The following TET1 variants were observed in gnomAD, a reference collection of about 807,000 sequenced individuals.
TET1 encodes the protein tet methylcytosine dioxygenase 1, also known as methylcytosine dioxygenase TET1.
Under a neutral mutation model 148.7 loss-of-function variants are expected in TET1, and 13 were observed. The observed-to-expected ratio is 0.09, with a 90% CI of 0.06 to 0.14. The LOEUF (loss-of-function observed/expected upper bound fraction) is 0.14, where lower values mean the gene tolerates loss of function less well. Ranked by LOEUF, TET1 falls within the 10% of genes least tolerant of loss-of-function variation. The pLI is 1.00. For synonymous variants in TET1, 907 were observed against 937.2 expected (o/e 0.97, Z 0.59); for missense variants, 2,182 against 2,553.8 (o/e 0.85, Z 3.14).
chr10:68,577,615 C>G (rs899994384), intron 2 of TET1, among the ~76,000 whole-genome samples: 1 of 152,070 alleles, frequency 6.6e-6, no homozygotes, highest in African/African-American at 2.4e-5. Context: ...TGAGACCAGC[C>G]TGGCCAACAT....
chr10:68,611,650 CTT>C (rs1244028157), intron 3 of TET1, among the ~76,000 whole-genome samples: 2 of 133,138 alleles, frequency 1.5e-5, no homozygotes, highest in African/African-American at 5.9e-5. Context: ...GAGACCCTTT[CTT>C]TCTTTTCTTT....
rs1279814967 is a variant in TET1 at position 68,573,356 on chromosome 10, G to A, written c.1018G>A (p.Gly340Ser). 6.2e-7 allele frequency: 1 copy of A among 1,613,858 alleles called. No individual in the cohort carries two copies. Among genetic ancestry groups the A allele is most frequent in the Non-Finnish European group, 8.5e-7 (1 of 1,180,002 alleles). The change falls in exon 2 of 12, where the codon GGT becomes AGT. Residue 340 changes from glycine (G) to serine (S), a missense_variant. Gly to Ser is a moderately conservative substitution (Grantham distance 56). Coordinates refer to ENST00000373644, the MANE Select transcript of TET1 (RefSeq NM_030625.3). ...GGCAGGCTCAAAACAAGCGACCCTT[G>A]GTGCTAAACCAGATCATCAAGAGGC... Reference protein sequence around the residue: ...LLAGSKQATLGAKPDHQEAFE... With the variant: ...LLAGSKQATLSAKPDHQEAFE...
At chr10:68,620,459 TC>T (rs2054354293) in intron 3 of TET1, among the ~76,000 whole-genome samples, 1 of 152,182 alleles carries the variant, frequency 6.6e-6, no homozygotes, top group African/African-American at 2.4e-5. Flanking sequence ...CATAATCTTT[TC>T]CAAGTTTATC....
chr10:68,579,341 C>T (rs1162482571), intron 2 of TET1, among the ~76,000 whole-genome samples: 2 of 152,220 alleles, frequency 1.3e-5, no homozygotes, highest in African/African-American at 2.4e-5. Context: ...GTATCCTCGC[C>T]TCCTTTGCTC....
chr10:68,565,234 T>G (rs11599886), intron 1 of TET1, among the ~76,000 whole-genome samples: 49,559 of 151,700 alleles, frequency 0.33, 9,667 homozygotes, highest in Non-Finnish European at 0.44. Context: ...CCTAGCACTT[T>G]AAGAGGCTCA....
At position 68,576,503 on chromosome 10, in the gene TET1, A is replaced by G. The variant is rs541965553; in HGVS notation, c.1914+2251A>G. Among the ~76,000 whole-genome samples, 7 of 152,156 alleles carry G rather than the reference A, an allele frequency of 4.6e-5. No homozygotes were observed. In the South Asian group the frequency reaches 1.0e-3, roughly 23 times the overall value. ...CATAGCAAGACCTCATCTCTACTAA[A>G]GATACAAAACTAACTGGGTGTGATG... On this transcript the variant is annotated intron_variant, in intron 2 of 11. Coordinates refer to ENST00000373644, the MANE Select transcript of TET1 (RefSeq NM_030625.3).
rs200821957 is a variant in TET1 at position 68,658,089 on chromosome 10, CATT to C, written c.4461+5497_4461+5499del. ...CCTTTTTTGTGTATTTGTTATAAAA[CATT>C]AATCTATATCAAGCATCGTTTCATG... On this transcript the variant is annotated intron_variant, in intron 6 of 11. Transcript: ENST00000373644. Among the ~76,000 whole-genome samples the C allele has an allele frequency of 8.3e-3, 1,266 of 152,258 alleles. 15 individuals are homozygous for C. The highest frequency in any genetic ancestry group is 0.011 in the Non-Finnish European group (748 of 68,008).
chr10:68,620,103 G>A (rs1024046224), intron 3 of TET1, among the ~76,000 whole-genome samples: 3 of 152,178 alleles, frequency 2.0e-5, no homozygotes, highest in Non-Finnish European at 2.9e-5. Context: ...CTGAGGCAGA[G>A]AGAATTGCTT....
At chr10:68,650,175 C>T (rs2054910717) in intron 4 of TET1, among the ~76,000 whole-genome samples, 1 of 152,078 alleles carries the variant, frequency 6.6e-6, no homozygotes, top group South Asian at 2.1e-4. Context: ...CTCTATCTTC[C>T]ACCCACTAGA....
chr10:68,608,115 G>C (rs959023293), intron 3 of TET1, among the ~76,000 whole-genome samples: 1 of 152,052 alleles, frequency 6.6e-6, no homozygotes. Context: ...TTTTAGTAGA[G>C]ACTGGGGTTT....
At position 68,624,663 on chromosome 10, in the gene TET1, TCTCTCTCTCTCTCTC is replaced by T. The variant is rs2054442143; in HGVS notation, c.1969-20034_1969-20020del. On this transcript the variant is annotated intron_variant, in intron 3 of 11. Coordinates refer to ENST00000373644, the MANE Select transcript of TET1 (RefSeq NM_030625.3). ...TTCTTTCTTTCTTTCTTTCTTTCTC[TCTCTCTCTCTCTCTC>T]TCTCTCTCTCTCTCTCTCTTTCTTT... Among the ~76,000 whole-genome samples, 251 of 95,580 alleles carry T rather than the reference TCTCTCTCTCTCTCTC, an allele frequency of 2.6e-3. 3 individuals are homozygous for T. The highest frequency in any genetic ancestry group is 4.9e-3 in the East Asian group (16 of 3,272). The allele number at this position is 95,580 out of a possible 152,430, so 62.7% of individuals were successfully genotyped here. A position where few individuals can be genotyped will look rare whatever the true frequency, so the allele number is the denominator to read the frequency against.
At chr10:68,632,955 G>A (rs750950232) in intron 3 of TET1, among the ~76,000 whole-genome samples, 16 of 150,998 alleles carry the variant, frequency 1.1e-4, no homozygotes, top group Non-Finnish European at 1.8e-4. Context: ...AAAAAAAAAA[G>A]GACAGATCAC....
chr10:68,608,420 A>G (rs910058281), intron 3 of TET1, among the ~76,000 whole-genome samples: 4 of 149,402 alleles, frequency 2.7e-5, no homozygotes, highest in Non-Finnish European at 4.4e-5. Flanking sequence ...TATTTTCAGT[A>G]GAGATGGGGT....
intron 3 of TET1, among the ~76,000 whole-genome samples, chr10:68,630,956 C>T (rs2054559970): frequency 6.6e-6 from 1 of 150,660 alleles, no homozygotes; most frequent in African/African-American, 2.5e-5. Context: ...GCAGGAGGAT[C>T]CCTAGAGCCC....
At chr10:68,617,757 A>T (rs2054314583) in intron 3 of TET1, among the ~76,000 whole-genome samples, 1 of 151,026 alleles carries the variant, frequency 6.6e-6, no homozygotes, top group Non-Finnish European at 1.5e-5. Flanking sequence ...TGTTGGTCAG[A>T]CTGGTCTGGA....
At chr10:68,621,797 G>A (rs34023346) in intron 3 of TET1, among the ~76,000 whole-genome samples, 61,329 of 151,934 alleles carry the variant, frequency 0.4, 13,146 homozygotes, top group East Asian at 0.52. Context: ...AGTGATCAAC[G>A]TCATGTACAT....
In TET1 at chr10:68,645,313, A is replaced by C. The variant is rs2054825314; in HGVS notation, c.2584A>C (p.Ile862Leu). The change falls in exon 4 of 12, where the codon ATA (isoleucine) becomes CTA (leucine). Residue 862 changes from isoleucine to leucine, a missense_variant. By Grantham distance (5) the Ile-to-Leu change is conservative (BLOSUM62 2). Around this residue, in one of 11 missense-constraint regions of TET1, gnomAD observed 582 missense variants for 599.5 expected, o/e 0.97. Transcript: ENST00000373644. The part of the protein sequence containing the change: ...EGDQPKTPEN[I>L]PSKEPKDGSP... ...TGATCAACCAAAAACTCCTGAGAAT[A>C]TACCAAGTAAAGAACCAAAAGATGG... 6.2e-7 allele frequency: 1 copy of C among 1,614,174 alleles called. No individual in the cohort carries two copies. The highest frequency in any genetic ancestry group is 1.3e-5 in the African/African-American group (1 of 75,056).
chr10:68,667,034 T>C lies in TET1; in HGVS notation c.4462-11T>C. On this transcript the variant is annotated splice_polypyrimidine_tract_variant and intron_variant, in intron 6 of 11. Transcript: ENST00000373644. ...TTGTCTTCCATAGATGAATGTATTC[T>C]GTTTTTTCAGGTTTTAAGAAGAAGC... The C allele has an allele frequency of 6.2e-7, 1 of 1,611,756 alleles. No homozygotes were observed.
At chr10:68,672,548 A>G (rs1324181936) in intron 7 of TET1, among the ~76,000 whole-genome samples, 1 of 140,226 alleles carries the variant, frequency 7.1e-6, no homozygotes, top group Non-Finnish European at 1.5e-5. Context: ...CAGGTTCTTT[A>G]TTTCCCTATC....
Sources: allele counts gnomAD v4.1 joint callset (sites outside exome capture counted in the v4.1 genomes callset), GRCh38; gene constraint gnomAD v4.1.1; regional missense constraint gnomAD v4.1.1; transcripts MANE v1.5; gene names NCBI Gene and HGNC (gene_info 2026-07-23, HGNC 2026-07-21).